Variants in NYAP2 observed in about 807,000 individuals in gnomAD.
NYAP2 encodes the protein neuronal tyrosine-phosphorylated phosphoinositide-3-kinase adaptor 2, also known as neuronal tyrosine-phosphorylated phosphoinositide-3-kinase adapter 2.
NYAP2 carries 23 observed loss-of-function variants against 50.4 expected under a neutral mutation model. The observed-to-expected ratio is 0.46, with a 90% CI of 0.33 to 0.65. The LOEUF is 0.65. Ranked by LOEUF, NYAP2 falls within the 30% of genes least tolerant of loss-of-function variation. The pLI, the probability that NYAP2 is intolerant of heterozygous loss-of-function variation, is 0.02. For synonymous variants in NYAP2, 394 were observed against 365.2 expected, an observed-to-expected ratio of 1.08 and a Z score of -0.90; for missense variants, 885 against 861.0, an observed-to-expected ratio of 1.03 and a Z score of -0.35.
intron 4 of NYAP2, among the ~76,000 whole-genome samples, chr2:225,565,360 T>C (rs1691944192): frequency 6.6e-6 from 1 of 152,188 alleles, no homozygotes; most frequent in South Asian, 2.1e-4. Context: ...TGTTGCTTTT[T>C]TTGTTCAAAG....
the NYAP2 span, among the ~76,000 whole-genome samples, chr2:225,677,640 T>C: frequency 6.6e-6 from 1 of 152,214 alleles, no homozygotes; most frequent in African/African-American, 2.4e-5. Context: ...TTGGATTTTA[T>C]TGAAGTCTTT....
the NYAP2 span, among the ~76,000 whole-genome samples, chr2:225,681,417 C>A: frequency 6.6e-6 from 1 of 152,124 alleles, no homozygotes; most frequent in Admixed American, 6.5e-5. Flanking sequence ...AGCAATGGGC[C>A]AAAAGCAGAT....
intron 3 of NYAP2, among the ~76,000 whole-genome samples, chr2:225,441,848 T>C (rs1689475472): frequency 6.6e-6 from 1 of 152,232 alleles, no homozygotes; most frequent in African/African-American, 2.4e-5. Flanking sequence ...CATTAGCTTT[T>C]CTAAGGCTCA....
intron 3 of NYAP2, among the ~76,000 whole-genome samples, chr2:225,477,141 G>A (rs988963224): frequency 6.6e-6 from 1 of 151,328 alleles, no homozygotes; most frequent in Non-Finnish European, 1.5e-5. Context: ...CTCTGTAGCA[G>A]TGCTTCTCAA....
chr2:225,536,270 G>A (rs1542368), intron 4 of NYAP2, among the ~76,000 whole-genome samples: 91,899 of 152,006 alleles, frequency 0.6, 29,017 homozygotes, highest in African/African-American at 0.79. Flanking sequence ...CTACCACATG[G>A]TAGGCAGCAC....
chr2:225,547,286 A>G (rs768712689), intron 4 of NYAP2, among the ~76,000 whole-genome samples: 10 of 152,146 alleles, frequency 6.6e-5, no homozygotes, highest in Admixed American at 3.9e-4. Flanking sequence ...ATTTAATTAC[A>G]TGGCATAAGC....
intron 3 of NYAP2, among the ~76,000 whole-genome samples, chr2:225,480,024 T>C (rs1690179356): frequency 6.6e-6 from 1 of 152,086 alleles, no homozygotes; most frequent in African/African-American, 2.4e-5. Context: ...CCAAGTAACT[T>C]TGGTAAAAGT....
At chr2:225,471,285 T>C (rs1002793313) in intron 3 of NYAP2, among the ~76,000 whole-genome samples, 1 of 152,124 alleles carries the variant, frequency 6.6e-6, no homozygotes, top group Non-Finnish European at 1.5e-5. Context: ...TACACGTGAG[T>C]GAATGTGGTG....
the NYAP2 span, among the ~76,000 whole-genome samples, chr2:225,696,640 C>T: frequency 6.6e-6 from 1 of 152,002 alleles, no homozygotes; most frequent in African/African-American, 2.4e-5. Context: ...TGGTTTTGGA[C>T]TAGATATATA....
chr2:225,665,756 C>T, the NYAP2 span, among the ~76,000 whole-genome samples: 1 of 120,464 alleles, frequency 8.3e-6, no homozygotes, highest in South Asian at 3.0e-4. Flanking sequence ...TTGCAGTGAG[C>T]TGAGATTGTG....
chr2:225,700,480 A>G, the NYAP2 span: 3 of 151,864 alleles, frequency 2.0e-5, no homozygotes, highest in East Asian at 1.9e-4. Context: ...AAAACCCGCC[A>G]GCATGTTTCA....
the NYAP2 span, among the ~76,000 whole-genome samples, chr2:225,674,507 G>T: frequency 1.3e-5 from 2 of 152,024 alleles, no homozygotes; most frequent in Non-Finnish European, 1.5e-5. Flanking sequence ...TATGTGAGGG[G>T]CAGAAGTGTG....
intron 6 of NYAP2, among the ~76,000 whole-genome samples, chr2:225,638,474 G>C (rs1052465457): frequency 6.6e-6 from 1 of 152,080 alleles, no homozygotes; most frequent in African/African-American, 2.4e-5. Context: ...TGTGTATAAA[G>C]TGTGTTTTCT....
At chr2:225,470,284 C>T (rs1689992536) in intron 3 of NYAP2, among the ~76,000 whole-genome samples, 1 of 152,080 alleles carries the variant, frequency 6.6e-6, no homozygotes, top group African/African-American at 2.4e-5. Flanking sequence ...TTGCCCTTCT[C>T]TATTTTCTTC....
chr2:225,450,519 C>T (rs986917684), intron 3 of NYAP2, among the ~76,000 whole-genome samples: 2 of 152,156 alleles, frequency 1.3e-5, no homozygotes, highest in Non-Finnish European at 2.9e-5. Flanking sequence ...ACAAAACACA[C>T]TTCCTGGAGC....
At chr2:225,680,168 A>AT in the NYAP2 span, among the ~76,000 whole-genome samples, 1 of 152,322 alleles carries the variant, frequency 6.6e-6, no homozygotes, top group East Asian at 1.9e-4. Flanking sequence ...CAAGGCATCA[A>AT]GTCAAAACGT....
intron 5 of NYAP2, among the ~76,000 whole-genome samples, chr2:225,623,026 A>G (rs1410879521): frequency 1.3e-5 from 2 of 152,228 alleles, no homozygotes; most frequent in African/African-American, 2.4e-5. Flanking sequence ...TTTCCGAAAC[A>G]TGTTCATTCC....
chr2:225,512,427 G>A (rs191813165), intron 3 of NYAP2, among the ~76,000 whole-genome samples: 4 of 152,168 alleles, frequency 2.6e-5, no homozygotes, highest in Admixed American at 2.0e-4. Flanking sequence ...GAGAGTGGTT[G>A]GCAATACCTT....
At chr2:225,649,988 A>G (rs1693702241) in intron 6 of NYAP2, among the ~76,000 whole-genome samples, 1 of 152,204 alleles carries the variant, frequency 6.6e-6, no homozygotes, top group African/African-American at 2.4e-5. Flanking sequence ...TTTATTTGCC[A>G]AGAAAGAAAA....
Sources: gnomAD v4.1 joint callset for allele counts (sites outside exome capture counted in the v4.1 genomes callset) on GRCh38, gnomAD v4.1.1 for gene constraint, MANE v1.5 for transcripts, NCBI Gene and HGNC (gene_info 2026-07-23, HGNC 2026-07-21) for gene names.